The following CDH18 variants were observed in gnomAD, a reference collection of about 807,000 sequenced individuals.
The protein encoded by CDH18 is cadherin-18.
Under a neutral mutation model 67.9 loss-of-function variants are expected in CDH18, and 31 were observed. The observed-to-expected ratio is 0.46, with a 90% confidence interval of 0.34 to 0.62. The LOEUF is 0.62. Among genes scored for constraint, CDH18 ranks in the 20% least tolerant of loss-of-function variants. The pLI, the probability that CDH18 is intolerant of heterozygous loss-of-function variation, is 0.01. For missense variants in CDH18, 890 were observed against 975.5 expected, an observed-to-expected ratio of 0.91 and a Z score of 1.17; for synonymous variants, 362 against 347.2, an observed-to-expected ratio of 1.04 and a Z score of -0.48.
intron 2 of CDH18, among the ~76,000 whole-genome samples, chr5:19,998,576 T>C (rs1405876976): frequency 6.6e-6 from 1 of 152,150 alleles, no homozygotes; most frequent in African/African-American, 2.4e-5. Context: ...AACATAAAAT[T>C]TGAGGAGACA....
intron 3 of CDH18, among the ~76,000 whole-genome samples, chr5:19,772,890 T>A (rs2149745885): frequency 6.6e-6 from 1 of 152,298 alleles, no homozygotes; most frequent in African/African-American, 2.4e-5. Flanking sequence ...CATTTTTGCA[T>A]CTTCTGCATT....
intron 2 of CDH18, among the ~76,000 whole-genome samples, chr5:20,069,801 C>A (rs986161195): frequency 6.6e-6 from 1 of 152,114 alleles, no homozygotes; most frequent in African/African-American, 2.4e-5. Context: ...GCCCATATAC[C>A]TCTTCCCTTA....
In CDH18 at chr5:20,548,439, TTGTGTG is replaced by T. The variant is rs70954668; in HGVS notation, c.-580+27017_-580+27022del. The stretch of plus-strand genomic sequence containing the variant: ...GATTGTCAGGTAATAGAGAACATGT[TTGTGTG>T]TGTGTGTGTGTGTGTGTGTGTATAC... On this transcript the variant is annotated intron_variant, in intron 1 of 14. Transcript: ENST00000507958. Among the ~76,000 whole-genome samples the T allele has an allele frequency of 3.9e-4, 57 of 146,838 alleles. 1 individual carries two copies. The highest frequency in any genetic ancestry group is 3.5e-3 in the Middle Eastern group (1 of 282).
At chr5:19,589,960 T>C (rs1425359772) in intron 7 of CDH18, among the ~76,000 whole-genome samples, 4 of 152,146 alleles carry the variant, frequency 2.6e-5, no homozygotes, top group Non-Finnish European at 4.4e-5. Flanking sequence ...TTTTCCCCTG[T>C]AGCACTATAT....
In CDH18 at chr5:19,605,706, C is replaced by CCA. The variant is rs1747929218; in HGVS notation, c.811+6727_811+6728insTG. ...AGGGAACTCAGGATGGAGTATGATTCTTGAGAGAAAGAAACCATAACAAAA... is the reference window on the plus strand; with the variant it reads ...AGGGAACTCAGGATGGAGTATGATTCCATTGAGAGAAAGAAACCATAACAAAA... On this transcript the variant is annotated intron_variant, in intron 6 of 12. Transcript: ENST00000382275. Among the ~76,000 whole-genome samples the CCA allele has an allele frequency of 3.3e-5, 5 of 152,000 alleles. No individual in the cohort carries two copies. In the South Asian group the frequency reaches 1.0e-3, roughly 32 times the overall value.
chr5:20,221,936 C>G (rs1193021363), intron 2 of CDH18, among the ~76,000 whole-genome samples: 2 of 152,060 alleles, frequency 1.3e-5, no homozygotes, highest in Admixed American at 1.3e-4. Context: ...TTCAATTTAT[C>G]TTGTTGTACT....
At chr5:20,356,751 C>CTATATATA (rs376251008) in intron 1 of CDH18, among the ~76,000 whole-genome samples, 10 of 127,066 alleles carry the variant, frequency 7.9e-5, no homozygotes, top group Admixed American at 2.5e-4. Context: ...CTCTCTCTCT[C>CTATATATA]TCTATATATA....
intron 6 of CDH18, among the ~76,000 whole-genome samples, chr5:19,602,165 G>C (rs1180105144): frequency 6.6e-6 from 1 of 152,028 alleles, no homozygotes; most frequent in Non-Finnish European, 1.5e-5. Flanking sequence ...AATTATCTCT[G>C]TTCACAGATG....
rs1019809407 is a variant in CDH18 at position 20,327,091 on chromosome 5, A to G, written c.-579-71586T>C. ...TTTTTAAATTAAAATTCAGGGAGCT[A>G]TAACTATGTATTATAAACTTATATT... On this transcript the variant is annotated intron_variant, in intron 1 of 14. Transcript: ENST00000507958. 4.6e-5 allele frequency among the ~76,000 whole-genome samples: 7 copies of G among 152,286 alleles called. No individual in the cohort carries two copies. The South Asian group carries it at 8.3e-4, about 18-fold the overall frequency.
intron 1 of CDH18, among the ~76,000 whole-genome samples, chr5:20,258,960 C>T (rs139252763): frequency 7.9e-5 from 12 of 152,168 alleles, no homozygotes; most frequent in East Asian, 1.9e-4. Flanking sequence ...CTAGGTAAGC[C>T]GTGTCCAAAC....
At chr5:20,499,756 G>C (rs1754135180) in intron 1 of CDH18, among the ~76,000 whole-genome samples, 1 of 152,066 alleles carries the variant, frequency 6.6e-6, no homozygotes, top group Non-Finnish European at 1.5e-5. Context: ...TACATGAATG[G>C]GTAAATAGTT....
chr5:20,457,064 A>T (rs1279197201), intron 1 of CDH18, among the ~76,000 whole-genome samples: 1 of 152,230 alleles, frequency 6.6e-6, no homozygotes, highest in Non-Finnish European at 1.5e-5. Context: ...GAGACAGAGA[A>T]CAAGACTACT....
At chr5:19,738,338 A>G (rs1020487573) in intron 4 of CDH18, among the ~76,000 whole-genome samples, 7 of 152,286 alleles carry the variant, frequency 4.6e-5, no homozygotes, top group African/African-American at 1.7e-4. Context: ...GACATTCTCT[A>G]CTTTAAGAGA....
chr5:20,483,986 G>A (rs1175586525), intron 1 of CDH18, among the ~76,000 whole-genome samples: 1 of 151,800 alleles, frequency 6.6e-6, no homozygotes, highest in African/African-American at 2.4e-5. Context: ...CAAACAAAGT[G>A]AAGAGACAAT....
At chr5:19,703,950 C>T (rs963746197) in intron 5 of CDH18, among the ~76,000 whole-genome samples, 12 of 152,016 alleles carry the variant, frequency 7.9e-5, no homozygotes, top group Non-Finnish European at 1.8e-4. Context: ...AGTGCAAGTA[C>T]AAACAGGAGT....
intron 1 of CDH18, among the ~76,000 whole-genome samples, chr5:20,335,937 A>G (rs1013735798): frequency 2.0e-5 from 3 of 152,232 alleles, no homozygotes; most frequent in Non-Finnish European, 4.4e-5. Flanking sequence ...ACTTGGTCTT[A>G]CAGAAAGAAA....
At chr5:20,434,377 T>G (rs1749004824) in intron 1 of CDH18, among the ~76,000 whole-genome samples, 1 of 151,828 alleles carries the variant, frequency 6.6e-6, no homozygotes, top group Admixed American at 6.6e-5. Context: ...AACAGTAAAG[T>G]TTTGAAAAAA....
At chr5:20,203,671 A>C (rs1739640499) in intron 2 of CDH18, among the ~76,000 whole-genome samples, 1 of 151,972 alleles carries the variant, frequency 6.6e-6, no homozygotes, top group African/African-American at 2.4e-5. Flanking sequence ...CAGACAGAGA[A>C]GATTGGAATA....
chr5:19,826,565 G>A (rs966551512), intron 3 of CDH18, among the ~76,000 whole-genome samples: 5 of 152,172 alleles, frequency 3.3e-5, no homozygotes, highest in African/African-American at 1.2e-4. Flanking sequence ...GTGACTAGGG[G>A]ACTATATTTA....
Sources: allele counts gnomAD v4.1 joint callset (sites outside exome capture counted in the v4.1 genomes callset), GRCh38; gene constraint gnomAD v4.1.1; transcripts MANE v1.5; gene names NCBI Gene and HGNC (gene_info 2026-07-23, HGNC 2026-07-21).